Variants in INPP4B observed in about 807,000 individuals in gnomAD.
INPP4B encodes inositol polyphosphate 4-phosphatase type II.
A neutral mutation model predicts 122.5 loss-of-function variants in INPP4B; 55 were observed. The ratio of observed to expected loss-of-function variants is 0.45; its 90% CI spans 0.36 to 0.56. The LOEUF is 0.56. INPP4B is among the 20% of genes least tolerant of loss of function. The pLI is 0.00. For missense variants in INPP4B, 1,000 were observed against 1,097.7 expected (o/e 0.91, Z 1.26); for synonymous variants, 403 against 388.7 (o/e 1.04, Z -0.43).
At chr4:142,071,261 G>T (rs536894635) in intron 25 of INPP4B, among the ~76,000 whole-genome samples, 106 of 152,174 alleles carry the variant, frequency 7.0e-4, no homozygotes, top group Non-Finnish European at 1.1e-3. Flanking sequence ...AATAAATGGT[G>T]CTGGGAAAAC....
intron 25 of INPP4B, among the ~76,000 whole-genome samples, chr4:142,070,728 C>A (rs1431468942): frequency 6.6e-6 from 1 of 152,118 alleles, no homozygotes; most frequent in African/African-American, 2.4e-5. Flanking sequence ...GAGTGAACTC[C>A]CATTCACAAT....
chr4:142,269,387 C>T (rs1744658896), intron 10 of INPP4B, among the ~76,000 whole-genome samples: 2 of 152,024 alleles, frequency 1.3e-5, no homozygotes, highest in Non-Finnish European at 2.9e-5. Context: ...AGGCAGGGGT[C>T]ACAGATGCTC....
intron 2 of INPP4B, among the ~76,000 whole-genome samples, chr4:142,622,571 G>GA (rs1262201373): frequency 6.6e-6 from 1 of 151,894 alleles, no homozygotes; most frequent in Non-Finnish European, 1.5e-5. Context: ...TGGAGAAGGA[G>GA]AAAAAAATAT....
At chr4:142,248,271 A>C (rs1163540021) in intron 11 of INPP4B, among the ~76,000 whole-genome samples, 1 of 151,856 alleles carries the variant, frequency 6.6e-6, no homozygotes, top group Admixed American at 6.6e-5. Context: ...TTTAAGAAAG[A>C]AAAGCACCCG....
chr4:142,300,666 TAA>T (rs1761020579), intron 9 of INPP4B, among the ~76,000 whole-genome samples: 1 of 152,164 alleles, frequency 6.6e-6, no homozygotes. Flanking sequence ...GGTATACATA[TAA>T]ATACTACATA....
At chr4:142,835,154 A>G (rs1420235709) in intron 1 of INPP4B, among the ~76,000 whole-genome samples, 1 of 152,284 alleles carries the variant, frequency 6.6e-6, no homozygotes, top group East Asian at 1.9e-4. Flanking sequence ...TTCCCACCAC[A>G]CAGAAGAACT....
rs192375065 is a variant in INPP4B, at chr4:142,135,999, G to A, written c.1720+9841C>T. Among the ~76,000 whole-genome samples the A allele has an allele frequency of 5.5e-3, 837 of 152,240 alleles. 8 individuals are homozygous for A. The highest frequency in any genetic ancestry group is 0.019 in the African/African-American group (802 of 41,546). ...TTTTTAGTAGAGACGGGGTTTCACC[G>A]TGTTAGCCAGGATGGTCTCGATCTC... On this transcript the variant is annotated intron_variant, in intron 18 of 25. Coordinates refer to ENST00000262992, the MANE Select transcript of INPP4B (RefSeq NM_001101669.3).
intron 3 of INPP4B, among the ~76,000 whole-genome samples, chr4:142,439,393 T>C (rs1811221353): frequency 6.6e-6 from 1 of 152,182 alleles, no homozygotes. Flanking sequence ...TCAAGTGTCC[T>C]CCCAATAAAT....
At chr4:142,233,297 C>T (rs986733296) in intron 12 of INPP4B, among the ~76,000 whole-genome samples, 5 of 152,044 alleles carry the variant, frequency 3.3e-5, no homozygotes, top group African/African-American at 1.2e-4. Flanking sequence ...GTATCTGCTA[C>T]TCATTGGTTT....
chr4:142,202,902 A>G (rs1241208801), intron 14 of INPP4B: 1 of 311,806 alleles, frequency 3.2e-6, no homozygotes, highest in Non-Finnish European at 4.7e-6. Flanking sequence ...ATGAGAGACT[A>G]TCTCTGCCTT....
intron 17 of INPP4B, among the ~76,000 whole-genome samples, chr4:142,152,174 T>C (rs893087578): frequency 6.2e-5 from 9 of 144,574 alleles, no homozygotes; most frequent in East Asian, 2.2e-4. Flanking sequence ...CCCGGGTTCA[T>C]GCCATTCTCC....
intron 12 of INPP4B, among the ~76,000 whole-genome samples, chr4:142,226,398 TG>T (rs1851602755): frequency 6.6e-6 from 1 of 152,214 alleles, no homozygotes; most frequent in African/African-American, 2.4e-5. Context: ...TCAAAGAGGT[TG>T]TTTTTTGATA....
intron 2 of INPP4B, among the ~76,000 whole-genome samples, chr4:142,672,228 C>T (rs1246539654): frequency 6.6e-6 from 1 of 152,118 alleles, no homozygotes; most frequent in East Asian, 1.9e-4. Context: ...TATGTGTGAA[C>T]ATAAGTTTTC....
At chr4:142,671,449 C>T (rs1414368647) in intron 2 of INPP4B, among the ~76,000 whole-genome samples, 1 of 152,090 alleles carries the variant, frequency 6.6e-6, no homozygotes, top group Non-Finnish European at 1.5e-5. Context: ...CAATATTTTG[C>T]TCTTACAATG....
In INPP4B at chr4:142,566,784, AAAG is replaced by A. The variant is rs577026983; in HGVS notation, c.-190-104061_-190-104059del. Among the ~76,000 whole-genome samples, 5 of 152,340 alleles carry A rather than the reference AAAG, an allele frequency of 3.3e-5. No individual in the cohort carries two copies. The East Asian group carries it at 9.7e-4, about 29-fold the overall frequency. Reference sequence around the variant, plus strand: ...GTATTGGGACTCTCCAGGAGGTTGAAAAGAACTGTAAACCTCTATTACTATCAG... The same window carrying A: ...GTATTGGGACTCTCCAGGAGGTTGAAAACTGTAAACCTCTATTACTATCAG... On this transcript the variant is annotated intron_variant, in intron 2 of 25. Transcript: ENST00000262992.
intron 2 of INPP4B, among the ~76,000 whole-genome samples, chr4:142,641,705 G>A (rs959575065): frequency 6.6e-6 from 1 of 152,090 alleles, no homozygotes; most frequent in Non-Finnish European, 1.5e-5. Context: ...CTTTGCTATT[G>A]TGAGTAGTGC....
At chr4:142,267,264 A>G (rs144442979) in intron 10 of INPP4B, among the ~76,000 whole-genome samples, 211 of 152,348 alleles carry the variant, frequency 1.4e-3, no homozygotes, top group Non-Finnish European at 2.0e-3. Context: ...TATCTTGAGT[A>G]AAGAGAACAA....
At chr4:142,121,473 C>T (rs1414781297) in intron 21 of INPP4B, among the ~76,000 whole-genome samples, 1 of 152,008 alleles carries the variant, frequency 6.6e-6, no homozygotes, top group Admixed American at 6.6e-5. Context: ...CAATTAAAAG[C>T]ACTAACACCG....
chr4:142,629,518 G>A (rs936341390), intron 2 of INPP4B, among the ~76,000 whole-genome samples: 3 of 151,782 alleles, frequency 2.0e-5, no homozygotes, highest in African/African-American at 4.9e-5. Context: ...GAGTGTGTAT[G>A]TGTGTGTGTT....
Sources: gnomAD v4.1 joint callset for allele counts (sites outside exome capture counted in the v4.1 genomes callset) on GRCh38, gnomAD v4.1.1 for gene constraint, MANE v1.5 for transcripts, NCBI Gene and HGNC (gene_info 2026-07-23, HGNC 2026-07-21) for gene names.